Variants in RBM27 observed in about 807,000 individuals in gnomAD.
The protein encoded by RBM27 is RNA binding motif protein 27, also known as RNA-binding protein 27.
In RBM27, 22 loss-of-function variants were observed where a neutral mutation model predicts 135.3. That is an observed-to-expected ratio of 0.16 (90% CI 0.12 to 0.23). The LOEUF is 0.23. Ranked by LOEUF, RBM27 falls within the 10% of genes least tolerant of loss-of-function variation. The pLI, the probability that RBM27 is intolerant of heterozygous loss-of-function variation, is 1.00. For synonymous variants in RBM27, 481 were observed against 442.4 expected (o/e 1.09, Z -1.10); for missense variants, 1,009 against 1,281.0 (o/e 0.79, Z 3.24).
intron 6 of RBM27, among the ~76,000 whole-genome samples, chr5:146,231,854 A>G (rs1337833846): frequency 6.6e-6 from 1 of 152,006 alleles, no homozygotes; most frequent in African/African-American, 2.4e-5. Context: ...ACCTCAGGTG[A>G]TCCACCTTCC....
chr5:146,262,691 G>A (rs1758449817), intron 13 of RBM27, among the ~76,000 whole-genome samples: 1 of 152,222 alleles, frequency 6.6e-6, no homozygotes, highest in Non-Finnish European at 1.5e-5. Context: ...ATGTAAGGGT[G>A]CAAAGGTGAA....
At position 146,289,196 on chromosome 5, in the gene RBM27, A is replaced by G. The variant is rs1487160857; in HGVS notation, c.*3166A>G. On this transcript the variant is annotated 3_prime_UTR_variant, in exon 21 of 21. Coordinates refer to ENST00000265271, the MANE Select transcript of RBM27 (RefSeq NM_018989.2). ...AAAGAATTTGGAAAATTTATGAACC[A>G]TTCCAAAAATTATAACAATCACCAA... 2 of 152,138 alleles carry G rather than the reference A, an allele frequency of 1.3e-5. No homozygotes were observed. Among genetic ancestry groups the G allele is most frequent in the African/African-American group, 2.4e-5 (1 of 41,466 alleles). 9.4% of individuals were successfully genotyped at this position (152,138 alleles called of 1,614,324 possible).
rs763045251 is a variant in RBM27 at position 146,237,440 on chromosome 5, C to T, written c.1279+8C>T. On this transcript the variant is annotated splice_region_variant and intron_variant, in intron 8 of 20. Transcript: ENST00000265271. ...TTTACACAGTATCAGAACGTAAGTA[C>T]ATGTTGTTTGACTTAAAATTGACAG... is the stretch of plus-strand genomic sequence containing the variant. The T allele has an allele frequency of 1.2e-6, 2 of 1,613,638 alleles. No homozygotes were observed. Among genetic ancestry groups the T allele is most frequent in the South Asian group, 1.1e-5 (1 of 91,074 alleles).
At chr5:146,276,281 G>C (rs976143391) in intron 19 of RBM27, among the ~76,000 whole-genome samples, 1 of 151,824 alleles carries the variant, frequency 6.6e-6, no homozygotes, top group Non-Finnish European at 1.5e-5. Context: ...TCTGGGGAAG[G>C]GTATGAAATT....
chr5:146,229,747 A>G lies in RBM27; in HGVS notation c.426A>G (p.Lys142=). ...RTREKKREDG[K]WRDYDRYYER... is the part of the protein sequence containing the mutation. Reference sequence around the variant, plus strand: ...GTGAGAAAAAAAGAGAAGACGGGAAATGGAGAGACTATGACCGGTACTATG... The same window carrying G: ...GTGAGAAAAAAAGAGAAGACGGGAAGTGGAGAGACTATGACCGGTACTATG... Residue 142 remains lysine, a synonymous_variant, in exon 5 of 21, where the codon AAA becomes AAG. Transcript: ENST00000265271. The G allele has an allele frequency of 6.2e-7, 1 of 1,611,604 alleles. No individual in the cohort carries two copies. Among genetic ancestry groups the G allele is most frequent in the Non-Finnish European group, 8.5e-7 (1 of 1,178,212 alleles).
chr5:146,252,953 C>T (rs1757958679), intron 9 of RBM27, among the ~76,000 whole-genome samples: 1 of 152,042 alleles, frequency 6.6e-6, no homozygotes, highest in South Asian at 2.1e-4. Context: ...AATCATAGTC[C>T]TGTAACCATT....
At chr5:146,271,171 C>T (rs891695456) in intron 18 of RBM27, 113 bp downstream of exon 18, 19 of 710,038 alleles carry the variant, frequency 2.7e-5, no homozygotes, top group South Asian at 5.1e-5. Context: ...GAGGCCGAGG[C>T]GGGTGGATCA....
chr5:146,215,439 C>T (rs371925102), intron 1 of RBM27, among the ~76,000 whole-genome samples: 2 of 152,284 alleles, frequency 1.3e-5, no homozygotes, highest in East Asian at 1.9e-4. Context: ...TATCCATACC[C>T]AGCACTAAAT....
intron 7 of RBM27, among the ~76,000 whole-genome samples, chr5:146,236,930 C>CTTTTT (rs36073661): frequency 6.4e-5 from 3 of 47,178 alleles, no homozygotes; most frequent in Non-Finnish European, 8.0e-5. Flanking sequence ...TATGATGGTC[C>CTTTTT]TTTTTTTTTT....
In RBM27 at chr5:146,279,010, T is replaced by A. The variant is rs1759214186; in HGVS notation, c.2989-5612T>A. ...TGCTGGGATTACAGGCATCAGCCCC[T>A]GCGCCTGGCCTTTTTTCCCAATATT... On this transcript the variant is annotated intron_variant, in intron 19 of 20. Transcript: ENST00000265271. Among the ~76,000 whole-genome samples, 3 of 151,908 alleles carry A rather than the reference T, an allele frequency of 2.0e-5. No individual in the cohort carries two copies. In the South Asian group the frequency reaches 6.3e-4, roughly 32 times the overall value.
At chr5:146,214,298 C>T (rs1756098744) in intron 1 of RBM27, among the ~76,000 whole-genome samples, 1 of 152,174 alleles carries the variant, frequency 6.6e-6, no homozygotes, top group African/African-American at 2.4e-5. Context: ...CCAAATTTTA[C>T]AATCTCTTTC....
chr5:146,268,570 A>G (rs1217927794), intron 15 of RBM27, among the ~76,000 whole-genome samples: 1 of 151,924 alleles, frequency 6.6e-6, no homozygotes, highest in African/African-American at 2.4e-5. Flanking sequence ...CTATAGCTGC[A>G]TGTCACTTTT....
At chr5:146,266,559 A>G (rs1430950987) in intron 14 of RBM27, among the ~76,000 whole-genome samples, 1 of 152,170 alleles carries the variant, frequency 6.6e-6, no homozygotes, top group Non-Finnish European at 1.5e-5. Context: ...TTACATTTGG[A>G]TATAATATTT....
At chr5:146,221,442 T>A (rs1756460814) in intron 2 of RBM27, among the ~76,000 whole-genome samples, 1 of 151,664 alleles carries the variant, frequency 6.6e-6, no homozygotes, top group Non-Finnish European at 1.5e-5. Context: ...AGAAATTGAT[T>A]TTTTTTTTGA....
At chr5:146,216,582 G>A (rs1264690015) in intron 1 of RBM27, among the ~76,000 whole-genome samples, 1 of 152,132 alleles carries the variant, frequency 6.6e-6, no homozygotes, top group Non-Finnish European at 1.5e-5. Flanking sequence ...GAATTTAACA[G>A]TTGGCCTTAC....
intron 19 of RBM27, among the ~76,000 whole-genome samples, chr5:146,273,325 A>G (rs529140756): frequency 2.0e-5 from 3 of 152,306 alleles, no homozygotes; most frequent in Admixed American, 6.5e-5. Context: ...TGAAAAGTAG[A>G]ACCATTCTAA....
intron 1 of RBM27, among the ~76,000 whole-genome samples, chr5:146,210,462 A>G (rs562504005): frequency 7.2e-5 from 11 of 152,202 alleles, no homozygotes; most frequent in South Asian, 2.1e-4. Flanking sequence ...TGAAAGTACT[A>G]TGGTCTGAAT....
intron 7 of RBM27, 137 bp downstream of exon 7, chr5:146,233,880 GA>G: frequency 1.8e-6 from 1 of 559,336 alleles, no homozygotes; most frequent in Non-Finnish European, 2.8e-6. Context: ...CCATAATTAA[GA>G]TGCTATTCTT....
chr5:146,277,384 C>T (rs1303862637), intron 19 of RBM27, among the ~76,000 whole-genome samples: 1 of 152,106 alleles, frequency 6.6e-6, no homozygotes, highest in African/African-American at 2.4e-5. Flanking sequence ...TATTTGAAGG[C>T]ATTCTGTTAT....
Sources: allele counts gnomAD v4.1 joint callset (sites outside exome capture counted in the v4.1 genomes callset), GRCh38; gene constraint gnomAD v4.1.1; transcripts MANE v1.5; gene names NCBI Gene and HGNC (gene_info 2026-07-23, HGNC 2026-07-21).